Variants in PRELID2 observed in about 807,000 individuals in gnomAD.
The protein encoded by PRELID2 is PRELI domain-containing protein 2.
Under a neutral mutation model 28.4 loss-of-function variants are expected in PRELID2, and 25 were observed. That is an observed-to-expected ratio of 0.88 (90% CI 0.64 to 1.23). The LOEUF (loss-of-function observed/expected upper bound fraction) is 1.23. PRELID2 is among the 50% of genes most tolerant of loss of function. The pLI is 0.00. For synonymous variants in PRELID2, 76 were observed against 71.6 expected (o/e 1.06, Z -0.31); for missense variants, 201 against 214.4 (o/e 0.94, Z 0.39).
chr5:145,740,853 TGTACA>T, intron 1 of PRELID2, among the ~76,000 whole-genome samples: 1 of 32,812 alleles, frequency 3.0e-5, no homozygotes, highest in South Asian at 7.9e-4. Context: ...TAAATATATA[TGTACA>T]TATATTTATC....
At chr5:145,522,084 A>G (rs1488944698) in intron 1 of PRELID2, among the ~76,000 whole-genome samples, 1 of 152,222 alleles carries the variant, frequency 6.6e-6, no homozygotes, top group African/African-American at 2.4e-5. Flanking sequence ...ACCTCCCATC[A>G]AAAGATAAAA....
chr5:145,547,596 A>T (rs887880392), intron 1 of PRELID2, among the ~76,000 whole-genome samples: 2 of 152,218 alleles, frequency 1.3e-5, no homozygotes, highest in Admixed American at 1.3e-4. Flanking sequence ...CTAACTAAAA[A>T]AAAAAGTGGG....
intron 1 of PRELID2, chr5:145,704,426 C>G (rs760532335): frequency 6.6e-6 from 1 of 152,154 alleles, no homozygotes; most frequent in Non-Finnish European, 1.5e-5. Flanking sequence ...CCCAAGTCCA[C>G]AGCAATCCAT....
intron 1 of PRELID2, among the ~76,000 whole-genome samples, chr5:145,606,156 G>C (rs1415490568): frequency 6.6e-6 from 1 of 152,058 alleles, no homozygotes; most frequent in Non-Finnish European, 1.5e-5. Context: ...GTCAGATTTA[G>C]TAGCTTTAGG....
intron 1 of PRELID2, among the ~76,000 whole-genome samples, chr5:145,831,034 T>C (rs958808474): frequency 3.3e-5 from 5 of 151,954 alleles, no homozygotes; most frequent in Admixed American, 6.5e-5. Context: ...TTGTCGCTTC[T>C]GCCAAGTGCT....
At chr5:145,727,229 C>A (rs1194554727) in intron 1 of PRELID2, among the ~76,000 whole-genome samples, 1 of 152,144 alleles carries the variant, frequency 6.6e-6, no homozygotes, top group Non-Finnish European at 1.5e-5. Context: ...AAGCAAGGAG[C>A]CAGCAAGTCT....
chr5:145,817,206 A>ATATATATATATATATATAT (rs1423577359), intron 4 of PRELID2, among the ~76,000 whole-genome samples: 6 of 62,858 alleles, frequency 9.5e-5, no homozygotes, highest in Non-Finnish European at 2.4e-4. Flanking sequence ...AAAATAAATA[A>ATATATATATATATATATAT]ATAAATAAAA....
In PRELID2 at chr5:145,693,061, T is replaced by C. The variant is rs1384540276; in HGVS notation, n.70+71870A>G. 2.0e-5 allele frequency among the ~76,000 whole-genome samples: 3 copies of C among 152,252 alleles called. No individual in the cohort carries two copies. The East Asian group carries it at 5.8e-4, about 29-fold the overall frequency. ...CTACAGCTGTACAGAACTAAAAAAT[T>C]ATGCACTTTTAAAAATTGTTCCTCA... On this transcript the variant is annotated intron_variant and non_coding_transcript_variant, in intron 1 of 2. Coordinates refer to the PRELID2 transcript ENST00000510259.
At chr5:145,282,475 C>A in the PRELID2 span, among the ~76,000 whole-genome samples, 1 of 151,416 alleles carries the variant, frequency 6.6e-6, no homozygotes, top group African/African-American at 2.4e-5. Context: ...ATACAGAAGC[C>A]AAACTGTAAT....
At chr5:145,229,847 G>A in the PRELID2 span, 293 of 758,182 alleles carry the variant, frequency 3.9e-4, no homozygotes, top group African/African-American at 2.2e-3. Context: ...CCCAGGAGCC[G>A]GCAGAAGGGA....
chr5:145,669,932 T>C (rs1754672539), intron 1 of PRELID2, among the ~76,000 whole-genome samples: 1 of 152,098 alleles, frequency 6.6e-6, no homozygotes, highest in Non-Finnish European at 1.5e-5. Context: ...AGCACCACGT[T>C]CACCTGCAGC....
At chr5:145,292,186 G>A in the PRELID2 span, among the ~76,000 whole-genome samples, 1 of 152,002 alleles carries the variant, frequency 6.6e-6, no homozygotes, top group African/African-American at 2.4e-5. Context: ...TCTAGGCGAC[G>A]AGGAAGATAA....
intron 1 of PRELID2, among the ~76,000 whole-genome samples, chr5:145,490,034 C>A (rs1752255208): frequency 6.6e-6 from 1 of 152,132 alleles, no homozygotes; most frequent in South Asian, 2.1e-4. Context: ...TACATCTGTG[C>A]TATCTTACCC....
At chr5:145,436,176 A>T in the PRELID2 span, among the ~76,000 whole-genome samples, 1 of 152,136 alleles carries the variant, frequency 6.6e-6, no homozygotes, top group Non-Finnish European at 1.5e-5. Flanking sequence ...CTTATAAGTG[A>T]CATGTGGCAT....
intron 5 of PRELID2, among the ~76,000 whole-genome samples, chr5:145,775,112 C>T (rs138697255): frequency 3.9e-5 from 6 of 152,104 alleles, no homozygotes; most frequent in South Asian, 2.1e-4. Context: ...TGGTGATGTA[C>T]GCCTGTGGCC....
the PRELID2 span, among the ~76,000 whole-genome samples, chr5:145,320,976 C>T: frequency 1.2e-3 from 180 of 152,238 alleles, 2 homozygotes; most frequent in East Asian, 0.029. Context: ...AATTTTTACT[C>T]CATCTCTAAA....
chr5:145,590,722 C>G (rs1476030220), intron 1 of PRELID2, among the ~76,000 whole-genome samples: 2 of 152,106 alleles, frequency 1.3e-5, no homozygotes, highest in African/African-American at 2.4e-5. Context: ...GTCTATTAGT[C>G]CAGATAATAT....
intron 1 of PRELID2, among the ~76,000 whole-genome samples, chr5:145,611,784 G>A (rs1237667878): frequency 1.3e-5 from 2 of 152,092 alleles, no homozygotes; most frequent in African/African-American, 4.8e-5. Context: ...GTTTGTTGTG[G>A]TAAATGAAAT....
At chr5:145,384,301 T>G in the PRELID2 span, among the ~76,000 whole-genome samples, 2 of 152,156 alleles carry the variant, frequency 1.3e-5, no homozygotes, top group African/African-American at 4.8e-5. Context: ...AAAAATCGTT[T>G]CACAATATAT....
Sources: gnomAD v4.1 joint callset for allele counts (sites outside exome capture counted in the v4.1 genomes callset) on GRCh38, gnomAD v4.1.1 for gene constraint, MANE v1.5 for transcripts, NCBI Gene and HGNC (gene_info 2026-07-23, HGNC 2026-07-21) for gene names.